VPS37A: variants seen among roughly 807,000 people sequenced by gnomAD.
VPS37A encodes vacuolar protein sorting-associated protein 37A.
VPS37A carries 30 observed loss-of-function variants against 49.8 expected under a neutral mutation model. That is an observed-to-expected ratio of 0.60 (90% CI 0.45 to 0.82). VPS37A has a LOEUF of 0.82. VPS37A is among the 40% of genes least tolerant of loss of function. The pLI is 0.00. For synonymous variants in VPS37A, 195 were observed against 160.6 expected (o/e 1.21, Z -1.62); for missense variants, 593 against 464.4 (o/e 1.28, Z -2.55).
the VPS37A span, among the ~76,000 whole-genome samples, chr8:17,319,236 G>A: frequency 6.6e-6 from 1 of 152,196 alleles, no homozygotes; most frequent in Non-Finnish European, 1.5e-5. Flanking sequence ...GAGCCTCGCT[G>A]TCTTCAAATA....
chr8:17,327,803 T>C, the VPS37A span, among the ~76,000 whole-genome samples: 4 of 152,352 alleles, frequency 2.6e-5, 1 homozygote, highest in South Asian at 6.2e-4. Context: ...AGGTTTTAAC[T>C]TACATTTCTC....
chr8:17,314,916 G>A, the VPS37A span, among the ~76,000 whole-genome samples: 1 of 152,162 alleles, frequency 6.6e-6, no homozygotes, highest in Non-Finnish European at 1.5e-5. Context: ...CAGGCAGGAA[G>A]ACACTATGTG....
At chr8:17,318,067 A>G in the VPS37A span, among the ~76,000 whole-genome samples, 1 of 150,648 alleles carries the variant, frequency 6.6e-6, no homozygotes, top group Non-Finnish European at 1.5e-5. Context: ...CTGAGCTGTT[A>G]AAAAAAATCC....
chr8:17,311,814 G>GGTA, the VPS37A span: 2 of 905,998 alleles, frequency 2.2e-6, no homozygotes, highest in South Asian at 3.3e-5. Context: ...GCCTGGTGCT[G>GGTA]GCAGCTAAAG....
chr8:17,252,055 A>G (rs1186443346), intron 1 of VPS37A, among the ~76,000 whole-genome samples: 1 of 152,240 alleles, frequency 6.6e-6, no homozygotes, highest in Non-Finnish European at 1.5e-5. Context: ...AGATATTGTA[A>G]TGAAGGGATG....
At chr8:17,273,166 C>T (rs928488898) in intron 4 of VPS37A, among the ~76,000 whole-genome samples, 19 of 148,828 alleles carry the variant, frequency 1.3e-4, no homozygotes, top group Non-Finnish European at 2.8e-4. Flanking sequence ...ATTATAATGT[C>T]TTTAGCAAGC....
the VPS37A span, among the ~76,000 whole-genome samples, chr8:17,318,386 T>C: frequency 6.6e-6 from 1 of 151,924 alleles, no homozygotes; most frequent in Non-Finnish European, 1.5e-5. Context: ...ACAGCGTTCA[T>C]GATAATGGCT....
At chr8:17,287,839 G>A (rs1384849141) in intron 11 of VPS37A, among the ~76,000 whole-genome samples, 3 of 152,138 alleles carry the variant, frequency 2.0e-5, no homozygotes, top group African/African-American at 7.2e-5. Flanking sequence ...CCATCCTACT[G>A]TAGTCAGTTT....
At chr8:17,299,674 G>A (rs1018082188), downstream of VPS37A, 1 of 710,278 alleles carries the variant, frequency 1.4e-6, no homozygotes, top group Non-Finnish European at 2.3e-6. Context: ...TTTGATAAAT[G>A]AAATGACTAC....
the VPS37A span, chr8:17,311,405 A>T: frequency 6.7e-7 from 1 of 1,482,218 alleles, no homozygotes; most frequent in African/African-American, 1.4e-5. Context: ...CTACTAAAAG[A>T]AAAATAATGC....
chr8:17,266,684 C>T (rs1450960007), intron 2 of VPS37A, among the ~76,000 whole-genome samples: 1 of 152,156 alleles, frequency 6.6e-6, no homozygotes, highest in African/African-American at 2.4e-5. Context: ...CAGCATACTG[C>T]CTGTACATAG....
chr8:17,281,668 A>G (rs897693228), intron 9 of VPS37A, among the ~76,000 whole-genome samples: 5 of 152,070 alleles, frequency 3.3e-5, no homozygotes, highest in African/African-American at 9.6e-5. Context: ...GTGGTATAAC[A>G]TAAAAAGAAG....
chr8:17,266,718 G>C (rs958876844), intron 2 of VPS37A, among the ~76,000 whole-genome samples: 9 of 152,164 alleles, frequency 5.9e-5, no homozygotes, highest in African/African-American at 2.2e-4. Context: ...ATACTAATGA[G>C]TGAATTAAAG....
chr8:17,308,420 G>C, the VPS37A span, among the ~76,000 whole-genome samples: 1 of 152,012 alleles, frequency 6.6e-6, no homozygotes, highest in Non-Finnish European at 1.5e-5. Flanking sequence ...GAAAAAATTA[G>C]AAAAATAGAA....
At chr8:17,319,580 C>A in the VPS37A span, among the ~76,000 whole-genome samples, 35 of 152,308 alleles carry the variant, frequency 2.3e-4, no homozygotes, top group African/African-American at 8.2e-4. Context: ...AATAGTGACA[C>A]TTACATACCA....
intron 3 of VPS37A, 36 bp from the exon 4 acceptor site, chr8:17,268,820 G>C: frequency 7.4e-7 from 1 of 1,354,444 alleles, no homozygotes. Context: ...TCTTTTTCTG[G>C]AAGTGATTTT....
At chr8:17,289,558 T>C (rs1400616952) in intron 11 of VPS37A, among the ~76,000 whole-genome samples, 1 of 152,176 alleles carries the variant, frequency 6.6e-6, no homozygotes, top group East Asian at 1.9e-4. Context: ...CATTGGTCTG[T>C]ATGTCTGTTT....
At chr8:17,306,359 T>G (rs941452545), downstream of VPS37A, among the ~76,000 whole-genome samples, 4 of 152,072 alleles carry the variant, frequency 2.6e-5, no homozygotes, top group African/African-American at 9.7e-5. Context: ...TGCGCTGTTT[T>G]GTTGGGAAGG....
chr8:17,302,303 G>C, downstream of VPS37A: 1 of 1,609,314 alleles, frequency 6.2e-7, no homozygotes, highest in Non-Finnish European at 8.5e-7. Flanking sequence ...GCAAAGCGTC[G>C]TGATACCACC....
Sources: gnomAD v4.1 joint callset for allele counts (sites outside exome capture counted in the v4.1 genomes callset) on GRCh38, gnomAD v4.1.1 for gene constraint, MANE v1.5 for transcripts, NCBI Gene and HGNC (gene_info 2026-07-23, HGNC 2026-07-21) for gene names.